The following ASB1 variants were observed in gnomAD, a reference collection of about 807,000 sequenced individuals.
ASB1 encodes ankyrin repeat and SOCS box containing 1.
ASB1 carries 18 observed loss-of-function variants against 27.7 expected under a neutral mutation model. That is an observed-to-expected ratio of 0.65 (90% CI 0.45 to 0.96). ASB1 has a LOEUF of 0.96. Among genes scored for constraint, ASB1 ranks in the 50% least tolerant of loss-of-function variants. The probability of loss-of-function intolerance (pLI) is 0.00; values close to 1 mark genes in which losing one functional copy is unlikely to be tolerated. For synonymous variants in ASB1, 189 were observed against 187.6 expected, an observed-to-expected ratio of 1.01 and a Z score of -0.06; for missense variants, 397 against 451.7, an observed-to-expected ratio of 0.88 and a Z score of 1.10.
intron 1 of ASB1, among the ~76,000 whole-genome samples, chr2:238,429,472 G>C (rs961005679): frequency 6.6e-6 from 1 of 152,060 alleles, no homozygotes; most frequent in Non-Finnish European, 1.5e-5. Context: ...TTCCATTCTC[G>C]CTGATTGTGA....
rs897954259 is a variant in ASB1, at chr2:238,451,906, G to A, written c.*5395G>A. The A allele has an allele frequency of 1.4e-5, 2 of 147,552 alleles. No individual in the cohort carries two copies. Among genetic ancestry groups the A allele is most frequent in the Non-Finnish European group, 3.0e-5 (2 of 65,716 alleles). 9.1% of individuals were successfully genotyped at this position (147,552 alleles called of 1,614,324 possible). On this transcript the variant is annotated 3_prime_UTR_variant, in exon 5 of 5. Transcript: ENST00000264607. Reference sequence around the variant, plus strand: ...TAGAAAGAAGGGCTCTGAAGCAGGAGTTTTCACCTGCTCTGAGGGAACTTG... The same window carrying A: ...TAGAAAGAAGGGCTCTGAAGCAGGAATTTTCACCTGCTCTGAGGGAACTTG...
intron 1 of ASB1, among the ~76,000 whole-genome samples, chr2:238,430,946 A>G (rs1196292454): frequency 6.6e-6 from 1 of 152,234 alleles, no homozygotes; most frequent in African/African-American, 2.4e-5. Context: ...TTGTTGATCC[A>G]TTTATAGTGC....
chr2:238,445,306 T>C (rs1702159215), intron 4 of ASB1, among the ~76,000 whole-genome samples: 2 of 152,178 alleles, frequency 1.3e-5, no homozygotes, highest in Non-Finnish European at 2.9e-5. Context: ...ATCCTTTTGC[T>C]CTGACCTGTG....
rs772649344 is a variant in ASB1, at chr2:238,435,921, C to T, written c.402C>T (p.Gly134=). ...GTACCCAGATCCTTCTCGAAGCTGG[C>T]GCGGACCCCAACGGAAGCCGGCACC... is the stretch of plus-strand genomic sequence containing the variant. ...LESTQILLEA[G]ADPNGSRHHR... The change falls in exon 3 of 5, where the codon GGC becomes GGT. Residue 134 remains glycine (G), a synonymous_variant. Coordinates refer to ENST00000264607, the MANE Select transcript of ASB1 (RefSeq NM_001040445.3). The T allele has an allele frequency of 1.7e-5, 28 of 1,614,060 alleles. 1 individual carries two copies. The highest frequency in any genetic ancestry group is 1.6e-4 in the East Asian group (7 of 44,898).
intron 1 of ASB1, chr2:238,433,261 A>G (rs1575002010): frequency 3.6e-6 from 1 of 281,658 alleles, no homozygotes; most frequent in Non-Finnish European, 6.9e-6. Flanking sequence ...TGCTAATTTA[A>G]TAAGGGAAGG....
intron 1 of ASB1, among the ~76,000 whole-genome samples, chr2:238,431,060 G>C (rs575054886): frequency 6.6e-6 from 1 of 152,232 alleles, no homozygotes; most frequent in Admixed American, 6.5e-5. Context: ...AAGCTTTGAC[G>C]CTAGGCATTG....
At position 238,444,700 on chromosome 2, in the gene ASB1, G is replaced by A. The variant is rs1702144476; in HGVS notation, c.853G>A (p.Ala285Thr). The change falls in exon 4 of 5, where the codon GCC becomes ACC. Residue 285 changes from alanine to threonine, a missense_variant. Ala to Thr is a moderately conservative substitution (Grantham distance 58, BLOSUM62 0). Coordinates refer to ENST00000264607, the MANE Select transcript of ASB1 (RefSeq NM_001040445.3). ...AGGAAGAAGAAAAGTGGACCCTGAG[G>A]CCTTGCAGGTCTTTAAAGAGGCCAG... The part of the protein sequence containing the change: ...SRGRRKVDPE[A>T]LQVFKEARSV... 6.2e-7 allele frequency: 1 copy of A among 1,613,190 alleles called. No homozygotes were observed. The highest frequency in any genetic ancestry group is 1.3e-5 in the African/African-American group (1 of 74,870).
intron 2 of ASB1, 71 bp from the exon 3 acceptor site, chr2:238,435,638 GGT>G: frequency 6.8e-7 from 1 of 1,470,938 alleles, no homozygotes; most frequent in Non-Finnish European, 9.2e-7. Flanking sequence ...ATGCTGCCAG[GGT>G]GAGGGGGGCA....
intron 2 of ASB1, among the ~76,000 whole-genome samples, chr2:238,434,505 A>G (rs1484081015): frequency 6.6e-6 from 1 of 152,226 alleles, no homozygotes; most frequent in African/African-American, 2.4e-5. Flanking sequence ...TTGGCGCCGA[A>G]ACTAATGCCA....
In ASB1 at chr2:238,427,029, G is replaced by T; in HGVS notation, c.-42G>T. On this transcript the variant is annotated 5_prime_UTR_variant, in exon 1 of 5. Transcript: ENST00000264607. ...GGGTCGTTCTGCTTCCTGCCCGAGG[G>T]GCGTGCGCGGGTCAGGGGCGGCCGC... The T allele has an allele frequency of 8.1e-7, 1 of 1,241,708 alleles. No homozygotes were observed. Among genetic ancestry groups the T allele is most frequent in the Non-Finnish European group, 1.0e-6 (1 of 992,382 alleles). The allele number at this position is 1,241,708 out of a possible 1,614,324, so 76.9% of individuals were successfully genotyped here.
In ASB1 at chr2:238,447,905, C is replaced by T. The variant is rs927400692; in HGVS notation, c.*1394C>T. 1.3e-5 allele frequency: 2 copies of T among 152,236 alleles called. No homozygotes were observed. Among genetic ancestry groups the T allele is most frequent in the African/African-American group, 4.8e-5 (2 of 41,436 alleles). 9.4% of individuals were successfully genotyped at this position (152,236 alleles called of 1,614,324 possible). On this transcript the variant is annotated 3_prime_UTR_variant, in exon 5 of 5. Transcript: ENST00000264607. ...ACAGCCAGAGGATAGAATTCTATAC[C>T]CCCAACCCCTTGTGTCACAAATGGG...
chr2:238,433,664 A>G lies in ASB1; in HGVS notation c.160A>G (p.Arg54Gly). The change falls in exon 2 of 5, where the codon AGG becomes GGG. Residue 54 changes from arginine to glycine, a missense_variant. Coordinates refer to ENST00000264607, the MANE Select transcript of ASB1 (RefSeq NM_001040445.3). ...AAYVGDLQTL[R>G]SLLQEESYRS... is the part of the protein sequence containing the mutation. The stretch of plus-strand genomic sequence containing the variant: ...TTACGTCGGGGACCTCCAGACCCTC[A>G]GGAGCCTATTGCAAGAGGAGAGCTA... The G allele has an allele frequency of 6.2e-7, 1 of 1,614,108 alleles. No homozygotes were observed. Among genetic ancestry groups the G allele is most frequent in the South Asian group, 1.1e-5 (1 of 91,078 alleles).
At chr2:238,443,776 G>C (rs1702124032) in intron 3 of ASB1, among the ~76,000 whole-genome samples, 2 of 150,284 alleles carry the variant, frequency 1.3e-5, no homozygotes, top group Non-Finnish European at 2.9e-5. Flanking sequence ...GAGATAATCA[G>C]AGGATTTCCC....
chr2:238,449,666 C>G lies in ASB1; in HGVS notation c.*3155C>G, dbSNP rs1022185526. ...TGTTATTTATTTATTTATTTATATT[C>G]TGCCTTGTTCCAGAAAAGTGTTTAA... On this transcript the variant is annotated 3_prime_UTR_variant, in exon 5 of 5. Transcript: ENST00000264607. 1.3e-5 allele frequency: 2 copies of G among 152,196 alleles called. No individual in the cohort carries two copies. Among genetic ancestry groups the G allele is most frequent in the African/African-American group, 2.4e-5 (1 of 41,458 alleles). The allele number at this position is 152,196 out of a possible 1,614,324, so 9.4% of individuals were successfully genotyped here. A position where few individuals can be genotyped will look rare whatever the true frequency, so the allele number is the denominator to read the frequency against.
intron 3 of ASB1, among the ~76,000 whole-genome samples, chr2:238,442,032 G>C (rs1449458276): frequency 6.6e-6 from 1 of 152,106 alleles, no homozygotes; most frequent in Non-Finnish European, 1.5e-5. Flanking sequence ...TGATATCTCA[G>C]AATAGTTTTA....
At position 238,444,490 on chromosome 2, in the gene ASB1, G is replaced by A; in HGVS notation, c.643G>A (p.Gly215Ser). 1 of 1,614,176 alleles carries A rather than the reference G, an allele frequency of 6.2e-7. No individual in the cohort carries two copies. ...LQCFRLLLLA[G>S]ANPDFNCNGP... The stretch of plus-strand genomic sequence containing the variant: ...GTGCTTCCGGCTGCTCCTCCTGGCT[G>A]GCGCGAACCCTGACTTCAACTGCAA... The change falls in exon 4 of 5, where the codon GGC becomes AGC. Residue 215 changes from glycine (G) to serine (S), a missense_variant. Gly to Ser is a moderately conservative substitution (Grantham distance 56). Coordinates refer to ENST00000264607, the MANE Select transcript of ASB1 (RefSeq NM_001040445.3).
At position 238,435,762 on chromosome 2, in the gene ASB1, G is replaced by T. The variant is rs746703583; in HGVS notation, c.243G>T (p.Pro81=). The change falls in exon 3 of 5, where the codon CCG becomes CCT. Residue 81 remains proline (P), a synonymous_variant. Coordinates refer to ENST00000264607, the MANE Select transcript of ASB1 (RefSeq NM_001040445.3). Reference sequence around the variant, plus strand: ...GCTGTGGCTGGCTCCCCTGCACACCGTTGCGAATCGCGGCCACTGCAGGCC... The same window carrying T: ...GCTGTGGCTGGCTCCCCTGCACACCTTTGCGAATCGCGGCCACTGCAGGCC... ...VWCCGWLPCT[P]LRIAATAGHG... is the part of the protein sequence containing the mutation. 6.2e-7 allele frequency: 1 copy of T among 1,614,094 alleles called. No homozygotes were observed. The highest frequency in any genetic ancestry group is 2.2e-5 in the East Asian group (1 of 44,878).
rs1388140434 is a variant in ASB1 at position 238,449,349 on chromosome 2, C to G, written c.*2838C>G. On this transcript the variant is annotated 3_prime_UTR_variant, in exon 5 of 5. Transcript: ENST00000264607. ...ACGTGGTCCTCAGTGAGGCTGCTGC[C>G]TGGCTGGCCCGGAGTCCTCCCTAGG... is the stretch of plus-strand genomic sequence containing the variant. The G allele has an allele frequency of 6.6e-6, 1 of 152,430 alleles. No homozygotes were observed. The highest frequency in any genetic ancestry group is 1.5e-5 in the Non-Finnish European group (1 of 68,190). 9.4% of individuals were successfully genotyped at this position (152,430 alleles called of 1,614,324 possible).
chr2:238,444,446 C>T lies in ASB1; in HGVS notation c.599C>T (p.Ala200Val). The T allele has an allele frequency of 6.2e-7, 1 of 1,614,214 alleles. No individual in the cohort carries two copies. The highest frequency in any genetic ancestry group is 8.5e-7 in the Non-Finnish European group (1 of 1,180,042). ...SLVVCPLYISAAYHNLQCFRL... is the reference protein window; with the variant it reads ...SLVVCPLYISVAYHNLQCFRL... Reference sequence around the variant, plus strand: ...GTGGTCTGCCCCTTGTACATCAGCGCAGCCTACCACAACCTCCAGTGCTTC... The same window carrying T: ...GTGGTCTGCCCCTTGTACATCAGCGTAGCCTACCACAACCTCCAGTGCTTC... The change falls in exon 4 of 5, where the codon GCA (alanine) becomes GTA (valine). Residue 200 changes from alanine to valine, a missense_variant. Coordinates refer to ENST00000264607, the MANE Select transcript of ASB1 (RefSeq NM_001040445.3).
Sources: allele counts gnomAD v4.1 joint callset (sites outside exome capture counted in the v4.1 genomes callset), GRCh38; gene constraint gnomAD v4.1.1; transcripts MANE v1.5; gene names NCBI Gene and HGNC (gene_info 2026-07-23, HGNC 2026-07-21).